DAB1: variants seen among roughly 807,000 people sequenced by gnomAD.
The protein encoded by DAB1 is disabled homolog 1.
A neutral mutation model predicts 64.6 loss-of-function variants in DAB1; 15 were observed. The observed-to-expected ratio is 0.23, with a 90% confidence interval of 0.16 to 0.36. The LOEUF is 0.36. Among genes scored for constraint, DAB1 ranks in the 10% least tolerant of loss-of-function variants. DAB1 has a pLI of 1.00. For missense variants in DAB1, 596 were observed against 706.7 expected, an observed-to-expected ratio of 0.84 and a Z score of 1.78; for synonymous variants, 235 against 251.9, an observed-to-expected ratio of 0.93 and a Z score of 0.64.
At chr1:57,066,120 A>G (rs1650884920) in intron 8 of DAB1, among the ~76,000 whole-genome samples, 1 of 152,206 alleles carries the variant, frequency 6.6e-6, no homozygotes, top group Non-Finnish European at 1.5e-5. Flanking sequence ...CATCATTTAA[A>G]AATAACGATA....
At chr1:58,238,346 C>T (rs923734364) in intron 4 of DAB1, among the ~76,000 whole-genome samples, 5 of 152,114 alleles carry the variant, frequency 3.3e-5, no homozygotes, top group Non-Finnish European at 7.4e-5. Context: ...TGTCAAATGA[C>T]GCAAGGCACA....
chr1:57,188,617 A>G (rs973965796), intron 2 of DAB1, among the ~76,000 whole-genome samples: 1 of 150,022 alleles, frequency 6.7e-6, no homozygotes, highest in African/African-American at 2.5e-5. Context: ...TCAGAAAAAT[A>G]GTCAAAGTCC....
At chr1:57,118,962 C>T (rs764577094) in intron 4 of DAB1, among the ~76,000 whole-genome samples, 5 of 152,060 alleles carry the variant, frequency 3.3e-5, no homozygotes, top group African/African-American at 4.8e-5. Context: ...AGTAGAAGCC[C>T]GTAAGTGACA....
At chr1:58,416,055 G>T (rs530735084) in intron 3 of DAB1, among the ~76,000 whole-genome samples, 19 of 152,262 alleles carry the variant, frequency 1.2e-4, no homozygotes, top group African/African-American at 3.4e-4. Context: ...TATCCCCTCA[G>T]AGAAAGGTAG....
At chr1:57,506,540 A>G (rs1644345391) in intron 7 of DAB1, among the ~76,000 whole-genome samples, 1 of 152,214 alleles carries the variant, frequency 6.6e-6, no homozygotes, top group Admixed American at 6.5e-5. Flanking sequence ...TGCAGGGAGA[A>G]AGAATGAAAA....
At chr1:57,914,185 G>A (rs1319021795) in intron 5 of DAB1, among the ~76,000 whole-genome samples, 2 of 151,990 alleles carry the variant, frequency 1.3e-5, no homozygotes, top group Non-Finnish European at 2.9e-5. Flanking sequence ...GCAAAGACTT[G>A]GAACCAACCC....
chr1:58,186,657 C>G (rs188692773), intron 4 of DAB1, among the ~76,000 whole-genome samples: 1 of 152,146 alleles, frequency 6.6e-6, no homozygotes, highest in African/African-American at 2.4e-5. Flanking sequence ...TAACAAACAA[C>G]CCTAAAACTC....
At chr1:57,455,768 G>C (rs1257967296) in intron 7 of DAB1, among the ~76,000 whole-genome samples, 1 of 152,042 alleles carries the variant, frequency 6.6e-6, no homozygotes, top group African/African-American at 2.4e-5. Context: ...GTTGAACATG[G>C]AATAAAGAGA....
chr1:57,121,337 A>G (rs193116161), intron 4 of DAB1, among the ~76,000 whole-genome samples: 10 of 152,124 alleles, frequency 6.6e-5, no homozygotes, highest in Admixed American at 3.3e-4. Context: ...CACTCTCTCT[A>G]TCAGGGAGAG....
At chr1:57,562,981 G>T (rs1186916136) in intron 7 of DAB1, among the ~76,000 whole-genome samples, 1 of 152,156 alleles carries the variant, frequency 6.6e-6, no homozygotes, top group Non-Finnish European at 1.5e-5. Context: ...GAGGCCATTA[G>T]GGCGTCTCTT....
intron 1 of DAB1, among the ~76,000 whole-genome samples, chr1:57,881,611 C>T (rs1041171395): frequency 2.6e-5 from 4 of 152,170 alleles, no homozygotes; most frequent in African/African-American, 9.7e-5. Context: ...TTAAACTATG[C>T]AGACACAATA....
chr1:57,899,824 T>G (rs901127883), intron 5 of DAB1, among the ~76,000 whole-genome samples: 8 of 152,154 alleles, frequency 5.3e-5, no homozygotes, highest in African/African-American at 1.9e-4. Flanking sequence ...TACCTCGGAA[T>G]GCACCAGGCC....
intron 1 of DAB1, among the ~76,000 whole-genome samples, chr1:57,355,289 A>C (rs1347103318): frequency 7.3e-6 from 1 of 137,078 alleles, no homozygotes; most frequent in Non-Finnish European, 1.6e-5. Flanking sequence ...TTTTTTTTCC[A>C]TCCTTGGTTC....
intron 7 of DAB1, among the ~76,000 whole-genome samples, chr1:57,504,453 T>C (rs1219131450): frequency 2.0e-5 from 3 of 152,098 alleles, no homozygotes; most frequent in Non-Finnish European, 4.4e-5. Context: ...CAGTGGTAAA[T>C]ATTGCAACAA....
chr1:58,276,288 A>C (rs993119031), intron 4 of DAB1, among the ~76,000 whole-genome samples: 3 of 152,180 alleles, frequency 2.0e-5, no homozygotes, highest in Admixed American at 6.5e-5. Context: ...AATATGTTAA[A>C]ATTATAAATT....
chr1:58,332,680 C>T (rs2100496195), intron 4 of DAB1, among the ~76,000 whole-genome samples: 1 of 152,308 alleles, frequency 6.6e-6, no homozygotes, highest in Middle Eastern at 3.4e-3. Context: ...TAATTATCCA[C>T]AGGATCCAAG....
chr1:57,641,052 C>T (rs1259676625), intron 7 of DAB1, among the ~76,000 whole-genome samples: 3 of 152,166 alleles, frequency 2.0e-5, no homozygotes, highest in African/African-American at 7.2e-5. Flanking sequence ...TGCATTCAAA[C>T]TCACTCCTGG....
In DAB1 at chr1:57,456,441, CT is replaced by C. The variant is rs1374448805; in HGVS notation, n.626-165276del. On this transcript the variant is annotated intron_variant and non_coding_transcript_variant, in intron 7 of 20. Coordinates refer to the DAB1 transcript ENST00000485760. ...TGAGGTTCTGATCACCAGGAATAGG[CT>C]CCATATTAGAATTCAAAGCATAAAG... 2.0e-5 allele frequency among the ~76,000 whole-genome samples: 3 copies of C among 151,978 alleles called. No individual in the cohort carries two copies. In the East Asian group the frequency reaches 5.8e-4, roughly 29 times the overall value.
intron 3 of DAB1, among the ~76,000 whole-genome samples, chr1:58,396,713 T>C (rs778623813): frequency 6.6e-6 from 1 of 151,644 alleles, no homozygotes; most frequent in African/African-American, 2.4e-5. Context: ...AGCAACAGAA[T>C]GACAGTAGGA....
Sources: allele counts gnomAD v4.1 joint callset (sites outside exome capture counted in the v4.1 genomes callset), GRCh38; gene constraint gnomAD v4.1.1; transcripts MANE v1.5; gene names NCBI Gene and HGNC (gene_info 2026-07-23, HGNC 2026-07-21).